NSMCE2: variants seen among roughly 807,000 people sequenced by gnomAD.
The protein encoded by NSMCE2 is NSE2 SUMO ligase component of SMC5/6 complex.
NSMCE2 carries 24 observed loss-of-function variants against 23.8 expected under a neutral mutation model. The ratio of observed to expected loss-of-function variants is 1.01; its 90% confidence interval spans 0.73 to 1.42. NSMCE2 has a LOEUF of 1.42. Ranked by LOEUF, NSMCE2 falls within the 40% of genes most tolerant of loss-of-function variation. NSMCE2 has a pLI of 0.00. For synonymous variants in NSMCE2, 92 were observed against 94.1 expected, an observed-to-expected ratio of 0.98 and a Z score of 0.13; for missense variants, 284 against 296.5, an observed-to-expected ratio of 0.96 and a Z score of 0.31.
intron 3 of NSMCE2, among the ~76,000 whole-genome samples, chr8:125,104,013 G>T (rs1434238389): frequency 6.9e-6 from 1 of 144,888 alleles, no homozygotes; most frequent in African/African-American, 2.5e-5. Context: ...TTTTTCAGCC[G>T]GAATTTTGCT....
At chr8:125,108,351 T>A (rs1586437692) in intron 3 of NSMCE2, among the ~76,000 whole-genome samples, 1 of 152,160 alleles carries the variant, frequency 6.6e-6, no homozygotes, top group Non-Finnish European at 1.5e-5. Context: ...AAACACCGGT[T>A]GTTTAAGGAA....
chr8:125,301,860 C>T (rs900945801), intron 5 of NSMCE2, among the ~76,000 whole-genome samples: 2 of 152,054 alleles, frequency 1.3e-5, no homozygotes, highest in African/African-American at 2.4e-5. Flanking sequence ...GACAGGGTTT[C>T]GCCGTGTTGG....
intron 5 of NSMCE2, among the ~76,000 whole-genome samples, chr8:125,329,110 G>A (rs142151289): frequency 3.7e-4 from 57 of 152,304 alleles, no homozygotes; most frequent in Non-Finnish European, 4.9e-4. Context: ...CAACATCAAG[G>A]TAGGACCTCA....
chr8:125,328,083 C>A (rs1173957839), intron 5 of NSMCE2, among the ~76,000 whole-genome samples: 4 of 151,326 alleles, frequency 2.6e-5, no homozygotes, highest in African/African-American at 9.7e-5. Flanking sequence ...GGAAATAGTA[C>A]TGGCCATTTT....
At chr8:125,305,735 A>G (rs1411287302) in intron 5 of NSMCE2, among the ~76,000 whole-genome samples, 2 of 152,200 alleles carry the variant, frequency 1.3e-5, no homozygotes, top group African/African-American at 4.8e-5. Context: ...AGAAACGCTC[A>G]TATACCTATA....
intron 3 of NSMCE2, among the ~76,000 whole-genome samples, chr8:125,111,864 T>C (rs912397703): frequency 1.3e-5 from 2 of 152,234 alleles, no homozygotes; most frequent in African/African-American, 2.4e-5. Context: ...TGACCTGATA[T>C]TTTCAGGGCT....
intron 3 of NSMCE2, among the ~76,000 whole-genome samples, chr8:125,118,234 T>C (rs1393371883): frequency 6.6e-6 from 1 of 152,088 alleles, no homozygotes; most frequent in Non-Finnish European, 1.5e-5. Flanking sequence ...TAGTCCCAGC[T>C]ACTCGGGAGG....
intron 5 of NSMCE2, among the ~76,000 whole-genome samples, chr8:125,303,223 G>A (rs2131205059): frequency 6.6e-6 from 1 of 152,260 alleles, no homozygotes; most frequent in Admixed American, 6.5e-5. Flanking sequence ...TGACTCAGGA[G>A]AGCCTGTGGG....
intron 5 of NSMCE2, among the ~76,000 whole-genome samples, chr8:125,263,620 C>T (rs575168382): frequency 8.1e-4 from 123 of 152,090 alleles, no homozygotes; most frequent in Non-Finnish European, 6.9e-4. Flanking sequence ...CATGGTAGCA[C>T]GCGCCTATAA....
At chr8:125,272,107 G>A (rs540963777) in intron 5 of NSMCE2, among the ~76,000 whole-genome samples, 222 of 145,322 alleles carry the variant, frequency 1.5e-3, no homozygotes, top group African/African-American at 5.4e-3. Context: ...TCCGCCTCCC[G>A]GGTTCACGCC....
At chr8:125,309,248 C>CAAAAA (rs111355815) in intron 5 of NSMCE2, among the ~76,000 whole-genome samples, 4 of 65,502 alleles carry the variant, frequency 6.1e-5, no homozygotes, top group Non-Finnish European at 1.1e-4. Context: ...AACTCTGTCT[C>CAAAAA]AAAAAAAAAA....
intron 3 of NSMCE2, among the ~76,000 whole-genome samples, chr8:125,140,808 A>G (rs374845167): frequency 2.0e-5 from 3 of 152,206 alleles, no homozygotes; most frequent in Non-Finnish European, 2.9e-5. Context: ...GCACAGCCAA[A>G]GACTTGAAGA....
At chr8:125,311,638 A>T (rs1283042168) in intron 5 of NSMCE2, among the ~76,000 whole-genome samples, 1 of 152,254 alleles carries the variant, frequency 6.6e-6, no homozygotes, top group East Asian at 1.9e-4. Flanking sequence ...CTGATTAAGG[A>T]ATTGTCAGCT....
chr8:125,301,372 C>T (rs1828556404), intron 5 of NSMCE2, among the ~76,000 whole-genome samples: 1 of 152,220 alleles, frequency 6.6e-6, no homozygotes, highest in South Asian at 2.1e-4. Context: ...TATCCAGCAT[C>T]TGTCACATAC....
intron 7 of NSMCE2, among the ~76,000 whole-genome samples, chr8:125,362,657 A>G (rs1405377292): frequency 6.6e-6 from 1 of 152,228 alleles, no homozygotes; most frequent in Non-Finnish European, 1.5e-5. Context: ...ACCCAGAGTG[A>G]CACAGCCAGG....
intron 5 of NSMCE2, among the ~76,000 whole-genome samples, chr8:125,307,620 C>G (rs1433678570): frequency 6.6e-6 from 1 of 152,192 alleles, no homozygotes; most frequent in Non-Finnish European, 1.5e-5. Context: ...CAGAATACCT[C>G]CCTTCTTCCA....
chr8:125,311,200 G>T (rs1828960646), intron 5 of NSMCE2, among the ~76,000 whole-genome samples: 2 of 152,272 alleles, frequency 1.3e-5, no homozygotes, highest in South Asian at 4.1e-4. Context: ...GCAGAAGCAT[G>T]TATTTCCTTT....
At chr8:125,140,788 TAAGACTTGAGCACAGCCA>T (rs1413444373) in intron 3 of NSMCE2, among the ~76,000 whole-genome samples, 1 of 152,172 alleles carries the variant, frequency 6.6e-6, no homozygotes, top group African/African-American at 2.4e-5. Context: ...CAACTGTAGG[TAAGACTTGAGCACAGCCA>T]AAGACTTGAA....
intron 5 of NSMCE2, among the ~76,000 whole-genome samples, chr8:125,262,575 G>T (rs1278070323): frequency 1.3e-5 from 2 of 152,114 alleles, no homozygotes; most frequent in Non-Finnish European, 2.9e-5. Context: ...AGACACTAGG[G>T]TAGCAAGAAT....
Sources: allele counts gnomAD v4.1 joint callset (sites outside exome capture counted in the v4.1 genomes callset), GRCh38; gene constraint gnomAD v4.1.1; transcripts MANE v1.5; gene names NCBI Gene and HGNC (gene_info 2026-07-23, HGNC 2026-07-21).